Variants in CSF1 observed in about 807,000 individuals in gnomAD.
The protein encoded by CSF1 is colony stimulating factor 1.
Under a neutral mutation model 48.9 loss-of-function variants are expected in CSF1, and 9 were observed. The ratio of observed to expected loss-of-function variants is 0.18; its 90% confidence interval spans 0.11 to 0.32. The LOEUF (loss-of-function observed/expected upper bound fraction) is 0.32, where lower values mean the gene tolerates loss of function less well. Among genes scored for constraint, CSF1 ranks in the 10% least tolerant of loss-of-function variants. CSF1 has a pLI of 1.00. For missense variants in CSF1, 672 were observed against 697.9 expected (o/e 0.96, Z 0.42); for synonymous variants, 305 against 284.1 (o/e 1.07, Z -0.74).
chr1:109,917,526 C>G (rs931428138), intron 4 of CSF1, 63 bp downstream of exon 4: 4 of 1,509,040 alleles, frequency 2.7e-6, no homozygotes, highest in East Asian at 2.3e-5. Context: ...AGGCGCCGCT[C>G]TATCCACAGG....
intron 1 of CSF1, among the ~76,000 whole-genome samples, chr1:109,911,547 C>G (rs954785356): frequency 2.0e-5 from 3 of 152,116 alleles, no homozygotes; most frequent in Non-Finnish European, 4.4e-5. Context: ...TTATAGAACG[C>G]CAGGGACTTG....
chr1:109,920,890 GGA>G (rs763331034), intron 4 of CSF1, among the ~76,000 whole-genome samples: 24 of 152,280 alleles, frequency 1.6e-4, no homozygotes, highest in Non-Finnish European at 2.9e-4. Context: ...AGCTTGGTAA[GGA>G]GACAGAAAGA....
chr1:109,911,609 A>T (rs1654688127), intron 1 of CSF1, among the ~76,000 whole-genome samples: 1 of 146,576 alleles, frequency 6.8e-6, no homozygotes, highest in Admixed American at 6.8e-5. Context: ...GCCCACAGGC[A>T]GGAGCTACGG....
chr1:109,917,346 G>A lies in CSF1; in HGVS notation c.279G>A (p.Met93Ile). 1.2e-6 allele frequency: 2 copies of A among 1,614,174 alleles called. No homozygotes were observed. The highest frequency in any genetic ancestry group is 1.7e-6 in the Non-Finnish European group (2 of 1,180,032). The change falls in exon 4 of 9, where the codon ATG (methionine) becomes ATA (isoleucine). Residue 93 changes from methionine (M) to isoleucine (I), a missense_variant. By Grantham distance (10) the Met-to-Ile change is conservative. Around this residue, in one of 3 missense-constraint regions of CSF1, gnomAD observed 591 missense variants for 593.6 expected, o/e 1.00. Transcript: ENST00000329608. ...CATTTCTCCTGGTACAAGACATAATGGAGGACACCATGCGCTTCAGAGATA... is the reference window on the plus strand; with the variant it reads ...CATTTCTCCTGGTACAAGACATAATAGAGGACACCATGCGCTTCAGAGATA... ...KKAFLLVQDI[M>I]EDTMRFRDNT...
At chr1:109,912,852 C>G (rs902878616) in intron 1 of CSF1, among the ~76,000 whole-genome samples, 2 of 152,190 alleles carry the variant, frequency 1.3e-5, no homozygotes, top group Non-Finnish European at 2.9e-5. Context: ...CCTGAAGTCC[C>G]CCCAGCCCCC....
At position 109,923,596 on chromosome 1, in the gene CSF1, C is replaced by G. The variant is rs749270157; in HGVS notation, c.975C>G (p.Pro325=). The G allele has an allele frequency of 2.5e-6, 4 of 1,614,196 alleles. No homozygotes were observed. Among genetic ancestry groups the G allele is most frequent in the East Asian group, 2.2e-5 (1 of 44,880 alleles). Residue 325 remains proline (P), a synonymous_variant, in exon 6 of 9, where the codon CCC becomes CCG. Transcript: ENST00000329608. Reference sequence around the variant, plus strand: ...TACCCCAAGGGACAGAGCTTTCCCCCTCCAGGCCAGGAGGGGGCAGCATGC... The same window carrying G: ...TACCCCAAGGGACAGAGCTTTCCCCGTCCAGGCCAGGAGGGGGCAGCATGC... The part of the protein sequence containing the change: ...IPVPQGTELS[P]SRPGGGSMQT...
At chr1:109,922,062 A>T (rs1647573144) in intron 5 of CSF1, 68 bp downstream of exon 5, 1 of 1,509,584 alleles carries the variant, frequency 6.6e-7, no homozygotes, top group Non-Finnish European at 8.9e-7. Context: ...GGGAGGTGAG[A>T]TGTGAAGCTG....
At chr1:109,913,428 G>A (rs1049068937) in intron 1 of CSF1, among the ~76,000 whole-genome samples, 9 of 152,224 alleles carry the variant, frequency 5.9e-5, no homozygotes, top group Non-Finnish European at 8.8e-5. Context: ...TGAAGAGAAG[G>A]AAGAGAGGAA....
chr1:109,915,890 A>G (rs1654879815), intron 3 of CSF1, among the ~76,000 whole-genome samples, 194 bp downstream of exon 3: 1 of 152,104 alleles, frequency 6.6e-6, no homozygotes, highest in Non-Finnish European at 1.5e-5. Context: ...TCCTGGCCTG[A>G]TACATAACAA....
chr1:109,927,775 A>T (rs548209318), intron 8 of CSF1, among the ~76,000 whole-genome samples: 54 of 152,158 alleles, frequency 3.5e-4, no homozygotes, highest in Non-Finnish European at 6.5e-4. Context: ...TTGAGAAGTG[A>T]GAGAGAGAAA....
rs1461253494 is a variant in CSF1, at chr1:109,923,926, G to T, written c.1305G>T (p.Leu435=). ...GAAGCCACTCCTCGGGCAGCGTGCT[G>T]CCCCTTGGGGAGCTGGAGGGCAGGA... ...LSRSHSSGSV[L]PLGELEGRRS... The change falls in exon 6 of 9, where the codon CTG becomes CTT. Residue 435 remains leucine, a synonymous_variant. Coordinates refer to ENST00000329608, the MANE Select transcript of CSF1 (RefSeq NM_000757.6). 2 of 1,614,148 alleles carry T rather than the reference G, an allele frequency of 1.2e-6. No individual in the cohort carries two copies. The highest frequency in any genetic ancestry group is 1.7e-6 in the Non-Finnish European group (2 of 1,179,958).
intron 1 of CSF1, 75 bp downstream of exon 1, chr1:109,911,137 C>T (rs2101636243): frequency 1.1e-6 from 1 of 916,568 alleles, no homozygotes. Flanking sequence ...CGGGAGCGGC[C>T]CCTCGGAGCC....
At chr1:109,924,740 C>T in intron 6 of CSF1, 36 bp from the exon 7 acceptor site, 1 of 1,555,518 alleles carries the variant, frequency 6.4e-7, no homozygotes, top group Non-Finnish European at 8.7e-7. Context: ...CCACACTCCC[C>T]CAGCTCCTCA....
rs1408521175 is a variant in CSF1, at chr1:109,919,975, T to TAAATAAAA, written c.397-1869_397-1868insTAAAAAAA. Among the ~76,000 whole-genome samples the TAAATAAAA allele has an allele frequency of 4.6e-4, 66 of 144,976 alleles. 2 individuals carry two copies. The highest frequency in any genetic ancestry group is 9.2e-4 in the Non-Finnish European group (62 of 67,178). On this transcript the variant is annotated intron_variant, in intron 4 of 8. Coordinates refer to ENST00000329608, the MANE Select transcript of CSF1 (RefSeq NM_000757.6). Reference sequence around the variant, plus strand: ...ATAAATAAATAAATAAATAAATAAATAAAAGACTGAACCCAGGAATCTGCA... The same window carrying TAAATAAAA: ...ATAAATAAATAAATAAATAAATAAATAAATAAAAAAAAGACTGAACCCAGGAATCTGCA...
rs765826628 is a variant in CSF1, at chr1:109,922,045, G to A, written c.544+51G>A. 3.3e-6 allele frequency: 5 copies of A among 1,532,322 alleles called. No individual in the cohort carries two copies. In the Admixed American group the frequency reaches 9.7e-5, roughly 30 times the overall value. 94.9% of individuals were successfully genotyped at this position (1,532,322 alleles called of 1,614,324 possible). On this transcript the variant is annotated intron_variant, in intron 5 of 8. Transcript: ENST00000329608. ...GTGTGGGGGTGGTAGCATATGGAATGGGGATTGGGAGGTGAGATGTGAAGC... is the reference window on the plus strand; with the variant it reads ...GTGTGGGGGTGGTAGCATATGGAATAGGGATTGGGAGGTGAGATGTGAAGC...
At position 109,918,301 on chromosome 1, in the gene CSF1, G is replaced by A. The variant is rs142962591; in HGVS notation, c.396+838G>A. On this transcript the variant is annotated intron_variant, in intron 4 of 8. Coordinates refer to ENST00000329608, the MANE Select transcript of CSF1 (RefSeq NM_000757.6). ...TGGGAAGTGAAGGAGGGGGAGGAGA[G>A]AAGTCAGGAGCCAGATCACATGTGG... is the stretch of plus-strand genomic sequence containing the variant. Among the ~76,000 whole-genome samples, 229 of 152,254 alleles carry A rather than the reference G, an allele frequency of 1.5e-3. 1 individual carries two copies. Among genetic ancestry groups the A allele is most frequent in the Middle Eastern group, 6.8e-3 (2 of 294 alleles).
rs192584803 is a variant in CSF1, at chr1:109,926,228, G to A, written c.*13+1026G>A. 139 of 152,290 alleles carry A rather than the reference G, an allele frequency of 9.1e-4. 1 individual carries two copies. The highest frequency in any genetic ancestry group is 3.2e-3 in the African/African-American group (134 of 41,568). The allele number at this position is 152,290 out of a possible 1,614,324, so 9.4% of individuals were successfully genotyped here. On this transcript the variant is annotated intron_variant, in intron 8 of 8. Transcript: ENST00000329608. ...GTATTCTTCTATTTGTGCAGATTAA[G>A]ATTGCATTAGTTTTTTTCTTAACAA...
chr1:109,911,211 C>A, intron 1 of CSF1, 149 bp downstream of exon 1: 2 of 391,348 alleles, frequency 5.1e-6, no homozygotes, highest in Non-Finnish European at 7.0e-6. Flanking sequence ...CGCCTTTGCG[C>A]ACGGACTGGG....
chr1:109,923,054 G>A (rs1647636004), intron 5 of CSF1, 112 bp from the exon 6 acceptor site: 2 of 1,047,072 alleles, frequency 1.9e-6, no homozygotes, highest in Non-Finnish European at 2.7e-6. Context: ...GGAGATGAGG[G>A]CCCCCCAGAC....
Sources: gnomAD v4.1 joint callset for allele counts (sites outside exome capture counted in the v4.1 genomes callset) on GRCh38, gnomAD v4.1.1 for gene constraint, gnomAD v4.1.1 regional missense constraint, MANE v1.5 for transcripts, NCBI Gene and HGNC (gene_info 2026-07-23, HGNC 2026-07-21) for gene names.